DYTN: variants seen among roughly 807,000 people sequenced by gnomAD.
DYTN encodes dystrotelin.
Under a neutral mutation model 69.6 loss-of-function variants are expected in DYTN, and 75 were observed. The ratio of observed to expected loss-of-function variants is 1.08; its 90% CI spans 0.89 to 1.31. The LOEUF (loss-of-function observed/expected upper bound fraction) is 1.31. Among genes scored for constraint, DYTN ranks in the 50% most tolerant of loss-of-function variants. The pLI is 0.00. For missense variants in DYTN, 726 were observed against 688.4 expected (o/e 1.05, Z -0.61); for synonymous variants, 252 against 249.1 (o/e 1.01, Z -0.11).
chr2:206,667,890 GT>G (rs754938747), intron 9 of DYTN, among the ~76,000 whole-genome samples: 68 of 152,194 alleles, frequency 4.5e-4, no homozygotes, highest in Non-Finnish European at 1.8e-4. Flanking sequence ...ACATTTCTCA[GT>G]GTTAGAACCT....
chr2:206,664,535 C>T (rs1416776026), intron 10 of DYTN, among the ~76,000 whole-genome samples: 2 of 151,896 alleles, frequency 1.3e-5, no homozygotes, highest in Non-Finnish European at 2.9e-5. Flanking sequence ...CTGGCATGAG[C>T]CTGAGATCCT....
Position 206,693,182 on chromosome 2 carries a change from G to A in DYTN, c.973C>T (p.Gln325Ter). Residue 325 changes from glutamine to a stop codon, truncating the protein, a stop_gained, in exon 9 of 12, where the codon CAG (glutamine) becomes TAG (stop). Transcript: ENST00000452335. LOFTEE classifies it high-confidence loss of function. Reference protein sequence around the residue: ...VNPKGVPHHAQARLLKKQLNQ... With the variant: ...VNPKGVPHHA ...ATCCTCGCAGCCACTCACCTGGCCT[G>A]CGCATGGTGAGGCACACCCTTTGGA... 6.2e-7 allele frequency: 1 copy of A among 1,610,088 alleles called. No individual in the cohort carries two copies. The highest frequency in any genetic ancestry group is 8.5e-7 in the Non-Finnish European group (1 of 1,178,868).
intron 9 of DYTN, among the ~76,000 whole-genome samples, chr2:206,671,835 T>C (rs2105890850): frequency 6.6e-6 from 1 of 152,342 alleles, no homozygotes; most frequent in Non-Finnish European, 1.5e-5. Context: ...TGGTGGTATA[T>C]CCATAGAATA....
At chr2:206,662,578 G>T (rs937748679) in intron 11 of DYTN, among the ~76,000 whole-genome samples, 1 of 151,602 alleles carries the variant, frequency 6.6e-6, no homozygotes, top group Non-Finnish European at 1.5e-5. Context: ...GACATAGGCT[G>T]CCCAGTTATA....
At position 206,693,578 on chromosome 2, in the gene DYTN, T is replaced by A. The variant is rs115076480; in HGVS notation, c.832-255A>T. 8.9e-3 allele frequency among the ~76,000 whole-genome samples: 1,357 copies of A among 152,292 alleles called. 33 individuals carry two copies. The highest frequency in any genetic ancestry group is 0.031 in the African/African-American group (1,295 of 41,542). On this transcript the variant is annotated intron_variant, in intron 8 of 11. Coordinates refer to ENST00000452335, the MANE Select transcript of DYTN (RefSeq NM_001093730.1). ...AGAGTAACCCCGTCATTTGGCATTC[T>A]ACACCTAGAGGAGGGCATCAAAGAG... is the stretch of plus-strand genomic sequence containing the variant.
intron 2 of DYTN, among the ~76,000 whole-genome samples, chr2:206,708,951 G>T (rs1313818183): frequency 6.6e-6 from 1 of 152,286 alleles, no homozygotes; most frequent in Middle Eastern, 3.4e-3. Context: ...TCGTGACTGG[G>T]ACATGTGAAC....
chr2:206,714,907 G>A (rs925871152), intron 1 of DYTN, among the ~76,000 whole-genome samples: 4 of 152,052 alleles, frequency 2.6e-5, no homozygotes, highest in African/African-American at 7.2e-5. Context: ...TGTCTCCCAG[G>A]GATAGTTCCC....
At position 206,707,789 on chromosome 2, in the gene DYTN, G is replaced by T. The variant is rs1157888788; in HGVS notation, c.95-286C>A. ...CTAGGATGTTGTTTTATAGAAAGAAGTTAAAAAGGGAAGTGAGAAACGAAA... is the reference window on the plus strand; with the variant it reads ...CTAGGATGTTGTTTTATAGAAAGAATTTAAAAAGGGAAGTGAGAAACGAAA... On this transcript the variant is annotated intron_variant, in intron 2 of 11. Transcript: ENST00000452335. 2.6e-5 allele frequency among the ~76,000 whole-genome samples: 4 copies of T among 152,188 alleles called. No individual in the cohort carries two copies. In the East Asian group the frequency reaches 7.8e-4, roughly 30 times the overall value.
intron 7 of DYTN, among the ~76,000 whole-genome samples, chr2:206,695,902 C>T (rs1699915413): frequency 6.6e-6 from 1 of 152,202 alleles, no homozygotes; most frequent in African/African-American, 2.4e-5. Flanking sequence ...ATACCACTTG[C>T]CTTGCCTTTT....
At chr2:206,705,065 C>T in intron 4 of DYTN, 122 bp from the exon 5 acceptor site, 2 of 802,246 alleles carry the variant, frequency 2.5e-6, no homozygotes, top group South Asian at 1.7e-5. Context: ...AAGTTATGTT[C>T]TTGATTATTG....
intron 10 of DYTN, among the ~76,000 whole-genome samples, chr2:206,665,659 A>G (rs185268251): frequency 3.7e-4 from 56 of 152,336 alleles, no homozygotes; most frequent in African/African-American, 1.3e-3. Context: ...TATTGTTTGT[A>G]AATATTACAG....
chr2:206,655,529 T>C (rs1297480996), intron 11 of DYTN, among the ~76,000 whole-genome samples: 1 of 151,998 alleles, frequency 6.6e-6, no homozygotes, highest in Admixed American at 6.6e-5. Flanking sequence ...CCTGCTTCAG[T>C]CTCTTGAGTA....
chr2:206,707,628 G>T, intron 2 of DYTN, 125 bp from the exon 3 acceptor site: 2 of 893,614 alleles, frequency 2.2e-6, no homozygotes, highest in Non-Finnish European at 3.4e-6. Context: ...CTTTTAAGGG[G>T]AATGAAATAT....
In DYTN at chr2:206,674,970, T is replaced by G. The variant is rs533641551; in HGVS notation, c.981-8941A>C. ...AAAAGCACTAGAGAAATGCCCCCACTAAATCTACTCTCATTAAAAATAGTT... is the reference window on the plus strand; with the variant it reads ...AAAAGCACTAGAGAAATGCCCCCACGAAATCTACTCTCATTAAAAATAGTT... On this transcript the variant is annotated intron_variant, in intron 9 of 11. Transcript: ENST00000452335. Among the ~76,000 whole-genome samples, 42 of 151,786 alleles carry G rather than the reference T, an allele frequency of 2.8e-4. 1 individual carries two copies. In the East Asian group the frequency reaches 6.8e-3, roughly 24 times the overall value.
chr2:206,697,505 A>G (rs1367216733), intron 7 of DYTN, among the ~76,000 whole-genome samples: 5 of 152,190 alleles, frequency 3.3e-5, no homozygotes, highest in Non-Finnish European at 5.9e-5. Flanking sequence ...AACCAAAGCT[A>G]CTGGTTGAGT....
intron 9 of DYTN, 55 bp downstream of exon 9, chr2:206,693,120 C>T: frequency 3.2e-6 from 5 of 1,544,328 alleles, no homozygotes; most frequent in Non-Finnish European, 4.4e-6. Context: ...TACCATAACA[C>T]CCAGGGCCCT....
intron 9 of DYTN, among the ~76,000 whole-genome samples, chr2:206,679,756 A>T (rs1452151926): frequency 6.6e-6 from 1 of 152,210 alleles, no homozygotes; most frequent in Non-Finnish European, 1.5e-5. Context: ...CAATGAGAAC[A>T]TAAGGAAAGA....
rs1377993167 is a variant in DYTN at position 206,651,919 on chromosome 2, G to C, written c.1636C>G (p.Pro546Ala). The change falls in exon 12 of 12, where the codon CCG becomes GCG. Residue 546 changes from proline to alanine, a missense_variant and splice_region_variant. Coordinates refer to ENST00000452335, the MANE Select transcript of DYTN (RefSeq NM_001093730.1). ...AGGTCCATGTTTACTGAAGACTCCG[G>C]GCCTGAAATCAACAAACAAGAGAGT... The part of the protein sequence containing the change: ...DAFNLETPSG[P>A]ESSVNMDLYS... 6.2e-7 allele frequency: 1 copy of C among 1,610,932 alleles called. No individual in the cohort carries two copies. The highest frequency in any genetic ancestry group is 1.7e-5 in the Admixed American group (1 of 59,500).
At chr2:206,654,225 C>T (rs1178640056) in intron 11 of DYTN, among the ~76,000 whole-genome samples, 7 of 152,236 alleles carry the variant, frequency 4.6e-5, no homozygotes, top group Admixed American at 1.3e-4. Context: ...AGTGAATCCT[C>T]GGACAACATG....
Sources: gnomAD v4.1 joint callset for allele counts (sites outside exome capture counted in the v4.1 genomes callset) on GRCh38, gnomAD v4.1.1 for gene constraint, MANE v1.5 for transcripts, NCBI Gene and HGNC (gene_info 2026-07-23, HGNC 2026-07-21) for gene names.